Variants in SGPL1 observed in about 807,000 individuals in gnomAD.
SGPL1 encodes sphingosine-1-phosphate lyase 1.
In SGPL1, 37 loss-of-function variants were observed where a neutral mutation model predicts 68.9. The observed-to-expected ratio is 0.54, with a 90% CI of 0.41 to 0.71. The LOEUF (loss-of-function observed/expected upper bound fraction) is 0.71, where lower values mean the gene tolerates loss of function less well. SGPL1 is among the 30% of genes least tolerant of loss of function. The pLI, the probability that SGPL1 is intolerant of heterozygous loss-of-function variation, is 0.00. For missense variants in SGPL1, 551 were observed against 704.6 expected, an observed-to-expected ratio of 0.78 and a Z score of 2.47; for synonymous variants, 236 against 248.5, an observed-to-expected ratio of 0.95 and a Z score of 0.47.
chr10:70,857,459 CT>C (rs1845983778), intron 5 of SGPL1, 154 bp from the exon 6 acceptor site: 1 of 599,122 alleles, frequency 1.7e-6, no homozygotes, highest in East Asian at 3.1e-5. Context: ...CTCTATTGAA[CT>C]TTTTTCTTGA....
chr10:70,828,017 A>G (rs1009090937), intron 2 of SGPL1, among the ~76,000 whole-genome samples: 1 of 152,152 alleles, frequency 6.6e-6, no homozygotes, highest in Non-Finnish European at 1.5e-5. Flanking sequence ...ACTATATTAT[A>G]ACTAATTTGT....
rs548042897 is a variant in SGPL1 at position 70,845,677 on chromosome 10, T to G, written c.193+1039T>G. Among the ~76,000 whole-genome samples, 221 of 152,110 alleles carry G rather than the reference T, an allele frequency of 1.5e-3. 1 individual carries two copies. The highest frequency in any genetic ancestry group is 3.4e-3 in the Middle Eastern group (1 of 294). On this transcript the variant is annotated intron_variant, in intron 3 of 14. Transcript: ENST00000373202. ...TGTGTTACCTTCTTATGAGTTATTT[T>G]CCTCTGCAGTCTGTGCTTGGTGAGT...
At chr10:70,843,859 AT>A (rs1845752811) in intron 2 of SGPL1, among the ~76,000 whole-genome samples, 1 of 152,194 alleles carries the variant, frequency 6.6e-6, no homozygotes, top group African/African-American at 2.4e-5. Flanking sequence ...GTTAAAGAAT[AT>A]TTTATGAACA....
intron 2 of SGPL1, among the ~76,000 whole-genome samples, chr10:70,842,426 G>A (rs1845730495): frequency 6.6e-6 from 1 of 152,144 alleles, no homozygotes; most frequent in Non-Finnish European, 1.5e-5. Flanking sequence ...TTGCATTGTT[G>A]TTAAGAAATA....
chr10:70,876,339 G>A (rs1049803243), intron 13 of SGPL1, among the ~76,000 whole-genome samples: 15 of 152,090 alleles, frequency 9.9e-5, no homozygotes, highest in African/African-American at 3.6e-4. Context: ...CAGTCATGCC[G>A]AGAAGCTCTG....
At chr10:70,858,385 G>A (rs186088921) in intron 6 of SGPL1, among the ~76,000 whole-genome samples, 1 of 152,238 alleles carries the variant, frequency 6.6e-6, no homozygotes, top group Admixed American at 6.5e-5. Flanking sequence ...TGATCCTCCT[G>A]CCTTGGCCTC....
chr10:70,862,549 A>G (rs1846090648), intron 7 of SGPL1, among the ~76,000 whole-genome samples: 1 of 152,150 alleles, frequency 6.6e-6, no homozygotes, highest in Non-Finnish European at 1.5e-5. Context: ...CGCTCTTTGC[A>G]ATAAATCTTG....
chr10:70,817,236 C>G (rs573295748), intron 2 of SGPL1, among the ~76,000 whole-genome samples: 2 of 152,264 alleles, frequency 1.3e-5, no homozygotes, highest in East Asian at 1.9e-4. Flanking sequence ...CCAGGCTGGC[C>G]TTGAACTCCT....
At chr10:70,876,767 C>A in intron 14 of SGPL1, 106 bp downstream of exon 14, 3 of 982,506 alleles carry the variant, frequency 3.1e-6, no homozygotes, top group Non-Finnish European at 4.6e-6. Flanking sequence ...TGCCCCTTTG[C>A]CACAGACATC....
At chr10:70,855,668 A>C (rs1220604129) in intron 5 of SGPL1, among the ~76,000 whole-genome samples, 1 of 152,260 alleles carries the variant, frequency 6.6e-6, no homozygotes. Flanking sequence ...TATTAACTCA[A>C]ACAGATTTAT....
In SGPL1 at chr10:70,880,190, GCTC is replaced by G. The variant is rs1239624960; in HGVS notation, c.*2858_*2860del. 2 of 152,568 alleles carry G rather than the reference GCTC, an allele frequency of 1.3e-5. No individual in the cohort carries two copies. The highest frequency in any genetic ancestry group is 2.4e-5 in the African/African-American group (1 of 41,440). The allele number at this position is 152,568 out of a possible 1,614,324, so 9.5% of individuals were successfully genotyped here. A position where few individuals can be genotyped will look rare whatever the true frequency, so the allele number is the denominator to read the frequency against. Reference sequence around the variant, plus strand: ...TGGGGCAGTGGCCATGCTTGAATGGGCTCCTGGTGAGAGATTGCCCCCTGGTGG... The same window carrying G: ...TGGGGCAGTGGCCATGCTTGAATGGGCTGGTGAGAGATTGCCCCCTGGTGG... On this transcript the variant is annotated 3_prime_UTR_variant, in exon 15 of 15. Transcript: ENST00000373202.
intron 2 of SGPL1, among the ~76,000 whole-genome samples, chr10:70,828,513 G>C (rs990849039): frequency 4.6e-5 from 7 of 152,132 alleles, no homozygotes; most frequent in African/African-American, 1.7e-4. Context: ...ATTCTAAAAT[G>C]TGAAATGCCC....
chr10:70,850,260 C>T (rs1589460687), intron 3 of SGPL1, among the ~76,000 whole-genome samples: 1 of 152,242 alleles, frequency 6.6e-6, no homozygotes, highest in South Asian at 2.1e-4. Context: ...AGCAGTCCTC[C>T]CACCTCGGCC....
At chr10:70,843,982 G>GA (rs1250585706) in intron 2 of SGPL1, among the ~76,000 whole-genome samples, 1 of 152,204 alleles carries the variant, frequency 6.6e-6, no homozygotes, top group Non-Finnish European at 1.5e-5. Flanking sequence ...CAGCAGCAGA[G>GA]AGGAGTAGTT....
intron 3 of SGPL1, 51 bp downstream of exon 3, chr10:70,844,689 A>C (rs767726204): frequency 1.3e-6 from 2 of 1,513,954 alleles, no homozygotes; most frequent in African/African-American, 2.8e-5. Context: ...CACTAGCCTC[A>C]AACTAATTGC....
intron 2 of SGPL1, among the ~76,000 whole-genome samples, chr10:70,843,721 C>G (rs923370578): frequency 2.6e-5 from 4 of 152,148 alleles, no homozygotes; most frequent in African/African-American, 7.2e-5. Flanking sequence ...TGGTTGCTGA[C>G]TGAGAGATTA....
At chr10:70,860,889 T>C (rs1342378400) in intron 7 of SGPL1, among the ~76,000 whole-genome samples, 1 of 152,190 alleles carries the variant, frequency 6.6e-6, no homozygotes, top group Non-Finnish European at 1.5e-5. Flanking sequence ...TGGAATGCTG[T>C]GTGTGCCTCA....
intron 2 of SGPL1, among the ~76,000 whole-genome samples, chr10:70,835,820 G>A (rs1007548531): frequency 2.6e-5 from 4 of 151,638 alleles, no homozygotes; most frequent in Non-Finnish European, 5.9e-5. Flanking sequence ...AGCTTTCCCA[G>A]AAACTTGACT....
chr10:70,875,498 C>T lies in SGPL1; in HGVS notation c.1395C>T (p.Asn465=), dbSNP rs747683680. The T allele has an allele frequency of 1.9e-6, 3 of 1,613,536 alleles. No individual in the cohort carries two copies. The highest frequency in any genetic ancestry group is 2.2e-5 in the East Asian group (1 of 44,878). The change falls in exon 13 of 15, where the codon AAC becomes AAT. Residue 465 remains asparagine (N), a synonymous_variant. Coordinates refer to ENST00000373202, the MANE Select transcript of SGPL1 (RefSeq NM_003901.4). ...ATTTTGACATCTACCGACTATCAAA[C>T]CTGATGACTGCTAAGGGGTGGAACT... ...SRDFDIYRLS[N]LMTAKGWNLN... is the part of the protein sequence containing the mutation.
Sources: allele counts gnomAD v4.1 joint callset (sites outside exome capture counted in the v4.1 genomes callset), GRCh38; gene constraint gnomAD v4.1.1; transcripts MANE v1.5; gene names NCBI Gene and HGNC (gene_info 2026-07-23, HGNC 2026-07-21).